The following NR2E1 variants were observed in gnomAD, a reference collection of about 807,000 sequenced individuals.
The protein encoded by NR2E1 is nuclear receptor subfamily 2 group E member 1, also known as nuclear receptor TLX.
A neutral mutation model predicts 43.6 loss-of-function variants in NR2E1; 5 were observed. The observed-to-expected ratio is 0.11, with a 90% confidence interval of 0.06 to 0.24. NR2E1 has a LOEUF of 0.24. NR2E1 is among the 10% of genes least tolerant of loss of function. The probability of loss-of-function intolerance (pLI) is 1.00; values close to 1 mark genes in which losing one functional copy is unlikely to be tolerated. For missense variants in NR2E1, 287 were observed against 496.7 expected (o/e 0.58, Z 4.01); for synonymous variants, 191 against 195.5 (o/e 0.98, Z 0.19).
chr6:108,179,791 C>T (rs1417511312), intron 5 of NR2E1, among the ~76,000 whole-genome samples: 2 of 151,944 alleles, frequency 1.3e-5, no homozygotes, highest in Non-Finnish European at 1.5e-5. Flanking sequence ...AGCAGTGAGA[C>T]GAGGAAAACT....
chr6:108,184,590 G>A lies in NR2E1; in HGVS notation c.996-2711G>A, dbSNP rs116472324. Among the ~76,000 whole-genome samples the A allele has an allele frequency of 5.1e-3, 784 of 152,256 alleles. 6 individuals are homozygous for A. Among genetic ancestry groups the A allele is most frequent in the African/African-American group, 0.018 (745 of 41,550 alleles). ...GAACATGTGAATTGGTCCTTCAATG[G>A]GAGGAGGATTTCAGCAGGGGAGAAG... On this transcript the variant is annotated intron_variant, in intron 8 of 8. Coordinates refer to ENST00000368986, the MANE Select transcript of NR2E1 (RefSeq NM_003269.5).
At chr6:108,177,948 C>A in intron 4 of NR2E1, 147 bp from the exon 5 acceptor site, 1 of 816,000 alleles carries the variant, frequency 1.2e-6, no homozygotes, top group Non-Finnish European at 2.1e-6. Context: ...GATTTTTTTA[C>A]CCACCAATGT....
chr6:108,168,312 G>T, intron 1 of NR2E1: 1 of 756,260 alleles, frequency 1.3e-6, no homozygotes, highest in Non-Finnish European at 2.1e-6. Context: ...CGCTCGCCCC[G>T]GGACAGGCCC....
chr6:108,171,787 A>G (rs1273752072), intron 2 of NR2E1, among the ~76,000 whole-genome samples, 184 bp downstream of exon 2: 1 of 151,696 alleles, frequency 6.6e-6, no homozygotes, highest in East Asian at 1.9e-4. Context: ...AGGCGGGAAG[A>G]GGTAAGGGAA....
chr6:108,187,836 G>C lies in NR2E1; in HGVS notation c.*373G>C. On this transcript the variant is annotated 3_prime_UTR_variant, in exon 9 of 9. Transcript: ENST00000368986. ...TTTCTCTTCCTTTTTAGCATACAAA[G>C]TTTGGTAACCAAATATAGCTCTGTG... is the stretch of plus-strand genomic sequence containing the variant. 3.2e-6 allele frequency: 1 copy of C among 310,792 alleles called. No homozygotes were observed. Among genetic ancestry groups the C allele is most frequent in the Non-Finnish European group, 6.3e-6 (1 of 157,956 alleles). The allele number at this position is 310,792 out of a possible 1,614,324, so 19.3% of individuals were successfully genotyped here.
At chr6:108,187,142 G>A (rs771929974) in intron 8 of NR2E1, among the ~76,000 whole-genome samples, 159 bp from the exon 9 acceptor site, 13 of 152,096 alleles carry the variant, frequency 8.5e-5, no homozygotes, top group South Asian at 2.1e-4. Context: ...CCTGCAAAAC[G>A]GGGACAACAG....
intron 8 of NR2E1, 23 bp downstream of exon 8, chr6:108,181,674 A>C (rs868394049): frequency 1.3e-6 from 2 of 1,590,560 alleles, no homozygotes; most frequent in Non-Finnish European, 8.6e-7. Flanking sequence ...TGCCTTGAAC[A>C]TGTACTTAAG....
At position 108,176,645 on chromosome 6, in the gene NR2E1, C is replaced by A. The variant is rs749206847; in HGVS notation, c.402C>A (p.Val134=). The change falls in exon 4 of 9, where the codon GTC becomes GTA. Residue 134 remains valine, a synonymous_variant. Coordinates refer to ENST00000368986, the MANE Select transcript of NR2E1 (RefSeq NM_003269.5). The part of the protein sequence containing the change: ...ALPAPAFFTA[V]TQLEPHGLEL... ...CTGCGCCGGCCTTCTTCACCGCGGT[C>A]ACGCAGCTGGAGCCGCACGGCCTGG... The A allele has an allele frequency of 6.2e-7, 1 of 1,608,898 alleles. No homozygotes were observed. The highest frequency in any genetic ancestry group is 1.1e-5 in the South Asian group (1 of 90,764).
intron 1 of NR2E1, among the ~76,000 whole-genome samples, chr6:108,167,070 T>A (rs1322247316): frequency 6.6e-6 from 1 of 151,976 alleles, no homozygotes; most frequent in Non-Finnish European, 1.5e-5. Flanking sequence ...GTTGTCTCCA[T>A]TTAGCCGCCA....
At chr6:108,175,437 T>C (rs62427112) in intron 3 of NR2E1, among the ~76,000 whole-genome samples, 5,523 of 152,318 alleles carry the variant, frequency 0.036, 160 homozygotes, top group South Asian at 0.1. Context: ...AGTACGGCCA[T>C]TGGGCCGATG....
intron 2 of NR2E1, among the ~76,000 whole-genome samples, chr6:108,173,525 AATC>A (rs1773845432): frequency 2.0e-5 from 3 of 152,328 alleles, no homozygotes; most frequent in African/African-American, 7.2e-5. Context: ...ATTTTAAATA[AATC>A]ATCATAATTT....
chr6:108,186,956 C>T (rs980790223), intron 8 of NR2E1, among the ~76,000 whole-genome samples: 3 of 152,066 alleles, frequency 2.0e-5, no homozygotes, highest in Non-Finnish European at 4.4e-5. Flanking sequence ...TCCTCAATGC[C>T]CTGGTCGTTT....
intron 4 of NR2E1, 58 bp downstream of exon 4, chr6:108,176,796 C>A (rs906997685): frequency 6.8e-7 from 1 of 1,461,710 alleles, no homozygotes; most frequent in Non-Finnish European, 9.2e-7. Context: ...AGGGACGCAC[C>A]CAGTTCTTCT....
At chr6:108,178,408 A>C (rs1773934651) in intron 5 of NR2E1, among the ~76,000 whole-genome samples, 167 bp downstream of exon 5, 1 of 152,254 alleles carries the variant, frequency 6.6e-6, no homozygotes, top group Non-Finnish European at 1.5e-5. Flanking sequence ...TGTGGGTTCA[A>C]AATATCTACC....
Position 108,176,496 on chromosome 6 carries a change from T to A in NR2E1, c.260-7T>A. 1 of 1,612,618 alleles carries A rather than the reference T, an allele frequency of 6.2e-7. No individual in the cohort carries two copies. The highest frequency in any genetic ancestry group is 1.1e-5 in the South Asian group (1 of 91,068). On this transcript the variant is annotated splice_polypyrimidine_tract_variant and splice_region_variant and intron_variant, in intron 3 of 8. Transcript: ENST00000368986. ...GCCGGCATGCGTTTCTCTGTTTGCC[T>A]CTGCAGCCGTGCAGCACGAGCGGGG...
rs1344041421 is a variant in NR2E1 at position 108,166,908 on chromosome 6, A to G, written c.25+118A>G. 1 of 1,109,232 alleles carries G rather than the reference A, an allele frequency of 9.0e-7. No homozygotes were observed. Among genetic ancestry groups the G allele is most frequent in the Non-Finnish European group, 1.3e-6 (1 of 758,854 alleles). The allele number at this position is 1,109,232 out of a possible 1,614,324, so 68.7% of individuals were successfully genotyped here. ...AATCTGAGCCCCTGAGAGGGATTCC[A>G]GCGGGCGTGTGCGTTCGGCCCAGAC... On this transcript the variant is annotated intron_variant, in intron 1 of 8. Coordinates refer to ENST00000368986, the MANE Select transcript of NR2E1 (RefSeq NM_003269.5). The surrounding 1 kb of genome is among the most constrained non-coding windows in gnomAD (Gnocchi z 7.2).
At chr6:108,178,262 T>C in intron 5 of NR2E1, 21 bp downstream of exon 5, 6 of 1,614,042 alleles carry the variant, frequency 3.7e-6, no homozygotes, top group Non-Finnish European at 5.1e-6. Context: ...ACTGAGGCCT[T>C]GGGAGAAAGA....
In NR2E1 at chr6:108,178,188, A is replaced by G; in HGVS notation, c.589A>G (p.Ile197Val). 6.2e-7 allele frequency: 1 copy of G among 1,614,188 alleles called. No homozygotes were observed. Among genetic ancestry groups the G allele is most frequent in the South Asian group, 1.1e-5 (1 of 91,084 alleles). ...ESAARLLFMS[I>V]KWAKSVPAFS... ...AGCTGCCAGACTTCTCTTCATGAGC[A>G]TCAAGTGGGCTAAGAGTGTGCCAGC... Residue 197 changes from isoleucine to valine, a missense_variant, in exon 5 of 9, where the codon ATC becomes GTC. Around this residue, in one of 4 missense-constraint regions of NR2E1, gnomAD observed 119 missense variants for 155.7 expected, o/e 0.76. Coordinates refer to ENST00000368986, the MANE Select transcript of NR2E1 (RefSeq NM_003269.5).
At chr6:108,174,585 C>T (rs1773865671) in intron 2 of NR2E1, among the ~76,000 whole-genome samples, 1 of 152,102 alleles carries the variant, frequency 6.6e-6, no homozygotes, top group African/African-American at 2.4e-5. Context: ...TGGAGAAGGA[C>T]GTTTCCCCCT....
Sources: gnomAD v4.1 joint callset for allele counts (sites outside exome capture counted in the v4.1 genomes callset) on GRCh38, gnomAD v4.1.1 for gene constraint, gnomAD v4.1.1 regional missense constraint, Gnocchi (gnomAD v3.1) non-coding constraint, MANE v1.5 for transcripts, NCBI Gene and HGNC (gene_info 2026-07-23, HGNC 2026-07-21) for gene names.